AFF1: variants seen among roughly 807,000 people sequenced by gnomAD.
AFF1 encodes the protein AF4/FMR2 family member 1.
A neutral mutation model predicts 121.7 loss-of-function variants in AFF1; 48 were observed. The observed-to-expected ratio is 0.39, with a 90% confidence interval of 0.31 to 0.50. The LOEUF (loss-of-function observed/expected upper bound fraction) is 0.50, where lower values mean the gene tolerates loss of function less well. AFF1 is among the 20% of genes least tolerant of loss of function. The pLI, the probability that AFF1 is intolerant of heterozygous loss-of-function variation, is 0.76. For synonymous variants in AFF1, 613 were observed against 563.0 expected, an observed-to-expected ratio of 1.09 and a Z score of -1.26; for missense variants, 1,523 against 1,511.7, an observed-to-expected ratio of 1.01 and a Z score of -0.12.
intron 5 of AFF1, among the ~76,000 whole-genome samples, chr4:87,088,770 T>C (rs1223310930): frequency 1.4e-5 from 1 of 73,452 alleles, no homozygotes; most frequent in Non-Finnish European, 2.7e-5. Context: ...CATTTTTGTA[T>C]TTTTGTATTT....
intron 4 of AFF1, among the ~76,000 whole-genome samples, chr4:87,066,611 CAGGT>C (rs1045508832): frequency 2.3e-4 from 34 of 150,178 alleles, no homozygotes; most frequent in African/African-American, 7.5e-4. Context: ...AAAACAAAAA[CAGGT>C]AGGGAGAGAC....
At chr4:86,954,524 G>A (rs1721603160) in intron 2 of AFF1, among the ~76,000 whole-genome samples, 14 of 152,082 alleles carry the variant, frequency 9.2e-5, no homozygotes, top group Admixed American at 9.2e-4. Context: ...GAATTCATTC[G>A]AGACCAGCCT....
At position 87,036,837 on chromosome 4, in the gene AFF1, T is replaced by TCCCCCCCC. The variant is rs757984901; in HGVS notation, c.39-9323_39-9322insCCCCCCCC. The TCCCCCCCC allele has an allele frequency of 8.4e-6, 4 of 475,360 alleles. No homozygotes were observed. In the African/African-American group the frequency reaches 8.6e-5, roughly 10 times the overall value. The allele number at this position is 475,360 out of a possible 1,614,324, so 29.4% of individuals were successfully genotyped here. A position where few individuals can be genotyped will look rare whatever the true frequency, so the allele number is the denominator to read the frequency against. ...TTTTTTCTCTCTCTCCCCTCCCCCA[T>TCCCCCCCC]CCCCCCTTTTTTTGAGACGGCTTCT... On this transcript the variant is annotated intron_variant, in intron 2 of 20. Coordinates refer to ENST00000395146, the MANE Select transcript of AFF1 (RefSeq NM_001166693.3).
chr4:87,131,257 T>G, intron 17 of AFF1, 38 bp downstream of exon 17: 1 of 1,609,998 alleles, frequency 6.2e-7, no homozygotes, highest in Non-Finnish European at 8.5e-7. Flanking sequence ...CTTAAGTCCT[T>G]TTCTTTCCTC....
chr4:87,096,382 A>C, intron 8 of AFF1, among the ~76,000 whole-genome samples: 1 of 123,756 alleles, frequency 8.1e-6, no homozygotes, highest in Non-Finnish European at 1.6e-5. Flanking sequence ...CTACAGGGAC[A>C]CACCCGGCTT....
chr4:87,082,506 A>G (rs914361939), intron 4 of AFF1, among the ~76,000 whole-genome samples: 1 of 152,212 alleles, frequency 6.6e-6, no homozygotes, highest in Non-Finnish European at 1.5e-5. Flanking sequence ...ACATGTTTTA[A>G]AAACAGACTG....
chr4:86,956,848 T>C (rs1366102521), intron 2 of AFF1, among the ~76,000 whole-genome samples: 1 of 152,252 alleles, frequency 6.6e-6, no homozygotes, highest in African/African-American at 2.4e-5. Context: ...TCCACTTTTT[T>C]GTTTTTATGA....
chr4:87,133,192 TC>T (rs1042550422), intron 19 of AFF1, among the ~76,000 whole-genome samples: 1 of 152,222 alleles, frequency 6.6e-6, no homozygotes, highest in African/African-American at 2.4e-5. Flanking sequence ...AAAATTTTTT[TC>T]CCCATTTTGT....
At chr4:86,940,169 G>A (rs552324285) in intron 1 of AFF1, among the ~76,000 whole-genome samples, 13 of 152,298 alleles carry the variant, frequency 8.5e-5, no homozygotes, top group Non-Finnish European at 8.8e-5. Flanking sequence ...AACAGCAACA[G>A]CACCTGTGAA....
intron 1 of AFF1, among the ~76,000 whole-genome samples, chr4:86,947,352 A>G (rs925522111): frequency 6.6e-6 from 1 of 152,226 alleles, no homozygotes; most frequent in Admixed American, 6.5e-5. Context: ...GCAAGTCAGC[A>G]ATTTAAATTT....
intron 2 of AFF1, among the ~76,000 whole-genome samples, chr4:87,045,707 C>T (rs1206134809): frequency 6.6e-6 from 1 of 152,014 alleles, no homozygotes; most frequent in Non-Finnish European, 1.5e-5. Context: ...ATGAAATAAG[C>T]CTTTTGATTT....
chr4:87,046,817 G>T lies in AFF1; in HGVS notation c.282G>T (p.Leu94Phe). ...THRLDASENR[L>F]GKPKYPLIPD... ...GCCTGGATGCTTCTGAAAATAGGTTGGGAAAGCCGAAATATCCTTTAATTC... is the reference window on the plus strand; with the variant it reads ...GCCTGGATGCTTCTGAAAATAGGTTTGGAAAGCCGAAATATCCTTTAATTC... The change falls in exon 4 of 21, where the codon TTG becomes TTT. Residue 94 changes from leucine (L) to phenylalanine (F), a missense_variant. Coordinates refer to ENST00000395146, the MANE Select transcript of AFF1 (RefSeq NM_001166693.3). 1 of 1,614,154 alleles carries T rather than the reference G, an allele frequency of 6.2e-7. No homozygotes were observed. The highest frequency in any genetic ancestry group is 8.5e-7 in the Non-Finnish European group (1 of 1,180,020).
At chr4:87,094,684 G>C (rs915564420) in intron 7 of AFF1, among the ~76,000 whole-genome samples, 1 of 152,218 alleles carries the variant, frequency 6.6e-6, no homozygotes. Flanking sequence ...GGCGTCATAG[G>C]TAGGGTATGC....
At chr4:87,088,277 C>G (rs1387226024) in intron 5 of AFF1, among the ~76,000 whole-genome samples, 2 of 152,180 alleles carry the variant, frequency 1.3e-5, no homozygotes, top group Non-Finnish European at 2.9e-5. Context: ...TAAACAAGGG[C>G]ACGAGTTCAC....
intron 4 of AFF1, among the ~76,000 whole-genome samples, chr4:87,069,904 T>A (rs930892812): frequency 2.6e-5 from 4 of 151,692 alleles, no homozygotes; most frequent in African/African-American, 9.7e-5. Context: ...TGCAACCTTT[T>A]CCCCCAACCC....
chr4:86,996,533 C>T (rs371695406), intron 2 of AFF1, among the ~76,000 whole-genome samples: 1 of 151,052 alleles, frequency 6.6e-6, no homozygotes, highest in East Asian at 1.9e-4. Flanking sequence ...GCAGCATGCT[C>T]GTTAAGAGTC....
At chr4:87,010,411 G>C (rs867493279) in intron 2 of AFF1, among the ~76,000 whole-genome samples, 38 of 152,302 alleles carry the variant, frequency 2.5e-4, no homozygotes, top group African/African-American at 9.1e-4. Context: ...TCAGATAAGT[G>C]TGTGCTTTCT....
At chr4:86,996,094 G>A (rs1414362201) in intron 2 of AFF1, among the ~76,000 whole-genome samples, 14 of 151,778 alleles carry the variant, frequency 9.2e-5, no homozygotes, top group Non-Finnish European at 1.9e-4. Flanking sequence ...TCGTCTGGGA[G>A]GGAGGTGGGG....
intron 12 of AFF1, among the ~76,000 whole-genome samples, chr4:87,122,337 A>G (rs1727774535): frequency 6.6e-6 from 1 of 152,216 alleles, no homozygotes; most frequent in South Asian, 2.1e-4. Flanking sequence ...TTTTAACCCC[A>G]TCATTTCCAA....
Sources: allele counts gnomAD v4.1 joint callset (sites outside exome capture counted in the v4.1 genomes callset), GRCh38; gene constraint gnomAD v4.1.1; transcripts MANE v1.5; gene names NCBI Gene and HGNC (gene_info 2026-07-23, HGNC 2026-07-21).